The following MYO6 variants were observed in gnomAD, a reference collection of about 807,000 sequenced individuals.
MYO6 encodes the protein unconventional myosin-VI.
A neutral mutation model predicts 178.7 loss-of-function variants in MYO6; 74 were observed. That is an observed-to-expected ratio of 0.41 (90% CI 0.34 to 0.50). The LOEUF is 0.50. Among genes scored for constraint, MYO6 ranks in the 20% least tolerant of loss-of-function variants. The pLI is 0.09. For synonymous variants in MYO6, 477 were observed against 504.6 expected, an observed-to-expected ratio of 0.95 and a Z score of 0.73; for missense variants, 1,330 against 1,547.4, an observed-to-expected ratio of 0.86 and a Z score of 2.36.
intron 1 of MYO6, among the ~76,000 whole-genome samples, chr6:75,784,948 G>A (rs1269948787): frequency 6.6e-6 from 1 of 152,096 alleles, no homozygotes; most frequent in African/African-American, 2.4e-5. Context: ...AATAATGTAA[G>A]GAGTTACTTT....
At chr6:75,901,481 A>T (rs900895358) in intron 30 of MYO6, among the ~76,000 whole-genome samples, 12 of 152,012 alleles carry the variant, frequency 7.9e-5, no homozygotes, top group African/African-American at 2.7e-4. Context: ...ATTCTCTTTG[A>T]AGCAATTGTG....
chr6:75,828,997 A>G (rs1772782776), intron 4 of MYO6, among the ~76,000 whole-genome samples: 1 of 152,152 alleles, frequency 6.6e-6, no homozygotes, highest in Non-Finnish European at 1.5e-5. Context: ...ATTGTTTGGA[A>G]GACAATGTAA....
At chr6:75,779,579 G>A (rs974686838) in intron 1 of MYO6, among the ~76,000 whole-genome samples, 1 of 152,046 alleles carries the variant, frequency 6.6e-6, no homozygotes, top group African/African-American at 2.4e-5. Context: ...TTAATTGACT[G>A]AGTTGTCTTT....
intron 1 of MYO6, among the ~76,000 whole-genome samples, chr6:75,751,032 T>G (rs1243483933): frequency 6.6e-6 from 1 of 152,192 alleles, no homozygotes; most frequent in African/African-American, 2.4e-5. Context: ...TGTCTTGGGT[T>G]GTGGTTTTCA....
chr6:75,764,142 C>T (rs1016584607), intron 1 of MYO6, among the ~76,000 whole-genome samples: 14 of 152,146 alleles, frequency 9.2e-5, no homozygotes, highest in Admixed American at 7.9e-4. Flanking sequence ...AACTCCTGGG[C>T]TCAAGTGATC....
At chr6:75,875,215 G>A (rs1777480834) in intron 20 of MYO6, among the ~76,000 whole-genome samples, 1 of 152,188 alleles carries the variant, frequency 6.6e-6, no homozygotes, top group South Asian at 2.1e-4. Context: ...TGACTCCTAA[G>A]TACTTGAAAT....
chr6:75,783,403 C>G (rs933724522), intron 1 of MYO6, among the ~76,000 whole-genome samples: 3 of 152,122 alleles, frequency 2.0e-5, no homozygotes, highest in Non-Finnish European at 2.9e-5. Flanking sequence ...ATTAGGACGT[C>G]GAAGTAGACT....
At chr6:75,869,883 G>A (rs944532148) in intron 18 of MYO6, among the ~76,000 whole-genome samples, 2 of 152,098 alleles carry the variant, frequency 1.3e-5, no homozygotes, top group Non-Finnish European at 1.5e-5. Context: ...GGAGGCTGAG[G>A]CGTGTGGATC....
At chr6:75,778,255 A>G (rs540228834) in intron 1 of MYO6, among the ~76,000 whole-genome samples, 9 of 152,260 alleles carry the variant, frequency 5.9e-5, no homozygotes, top group African/African-American at 2.2e-4. Context: ...TTGTTTATAT[A>G]TATGTCTTGT....
At chr6:75,909,369 C>T (rs1010671956) in intron 32 of MYO6, among the ~76,000 whole-genome samples, 1 of 152,158 alleles carries the variant, frequency 6.6e-6, no homozygotes, top group Admixed American at 6.5e-5. Flanking sequence ...CACTCTAATT[C>T]CTTTGTTTCA....
intron 1 of MYO6, among the ~76,000 whole-genome samples, chr6:75,762,975 G>C (rs952631705): frequency 6.6e-6 from 1 of 151,254 alleles, no homozygotes; most frequent in Non-Finnish European, 1.5e-5. Flanking sequence ...TCCTGCCTTG[G>C]CCTCCCAAAA....
In MYO6 at chr6:75,857,144, C is replaced by G. The variant is rs1326180035; in HGVS notation, c.1271C>G (p.Ala424Gly). 1 of 1,613,938 alleles carries G rather than the reference C, an allele frequency of 6.2e-7. No individual in the cohort carries two copies. Among genetic ancestry groups the G allele is most frequent in the African/African-American group, 1.3e-5 (1 of 74,922 alleles). The change falls in exon 13 of 35, where the codon GCA (alanine) becomes GGA (glycine). Residue 424 changes from alanine to glycine, a missense_variant. This residue lies in a region of MYO6 where 613 missense variants were observed against 816.8 expected (regional missense o/e 0.75). Transcript: ENST00000369977. The part of the protein sequence containing the change: ...EQANNARDAL[A>G]KTVYSHLFDH... ...GCAAACAATGCTCGTGATGCCCTGG[C>G]AAAGACAGTGTATAGCCATCTTTTT...
At chr6:75,749,725 G>A (rs1776682859) in intron 1 of MYO6, among the ~76,000 whole-genome samples, 1 of 152,194 alleles carries the variant, frequency 6.6e-6, no homozygotes, top group East Asian at 1.9e-4. Context: ...GCCTAACTCG[G>A]ACTTGGACAC....
chr6:75,843,620 A>G (rs1774450616), intron 9 of MYO6, among the ~76,000 whole-genome samples: 1 of 152,192 alleles, frequency 6.6e-6, no homozygotes, highest in South Asian at 2.1e-4. Flanking sequence ...AGCAAAGAAC[A>G]TATTTATTTT....
intron 1 of MYO6, among the ~76,000 whole-genome samples, chr6:75,757,886 T>C (rs1010162839): frequency 6.6e-6 from 1 of 151,796 alleles, no homozygotes; most frequent in Non-Finnish European, 1.5e-5. Flanking sequence ...GTTACTGTGT[T>C]TTTTTTTGTC....
chr6:75,914,203 T>C lies in MYO6; in HGVS notation c.3580T>C (p.Tyr1194His). The C allele has an allele frequency of 6.2e-7, 1 of 1,614,176 alleles. No individual in the cohort carries two copies. Among genetic ancestry groups the C allele is most frequent in the Non-Finnish European group, 8.5e-7 (1 of 1,180,022 alleles). The change falls in exon 34 of 35, where the codon TAT (tyrosine) becomes CAT (histidine). Residue 1194 changes from tyrosine to histidine, a missense_variant. Around this residue, in one of 3 missense-constraint regions of MYO6, gnomAD observed 601 missense variants for 626.1 expected, o/e 0.96. Transcript: ENST00000369977. ...DPQSKKKGWW[Y>H]AHFDGPWIAR... is the part of the protein sequence containing the mutation. Reference sequence around the variant, plus strand: ...TCAGAGTAAGAAAAAAGGCTGGTGGTATGCCCATTTTGATGGACCATGGAT... The same window carrying C: ...TCAGAGTAAGAAAAAAGGCTGGTGGCATGCCCATTTTGATGGACCATGGAT...
At chr6:75,821,370 C>G (rs6933837) in intron 2 of MYO6, among the ~76,000 whole-genome samples, 2,428 of 152,238 alleles carry the variant, frequency 0.016, 63 homozygotes, top group African/African-American at 0.056. Context: ...ATGCATTTTC[C>G]TATAGAATCA....
At chr6:75,803,283 T>A (rs138022746) in intron 1 of MYO6, among the ~76,000 whole-genome samples, 225 of 152,304 alleles carry the variant, frequency 1.5e-3, no homozygotes, top group African/African-American at 2.3e-3. Context: ...CTTTTTTTTT[T>A]ATCCCCTTTT....
In MYO6 at chr6:75,757,256, T is replaced by G. The variant is rs555019008; in HGVS notation, c.-48+7833T>G. 8.8e-5 allele frequency among the ~76,000 whole-genome samples: 13 copies of G among 148,404 alleles called. No homozygotes were observed. In the South Asian group the frequency reaches 1.7e-3, roughly 19 times the overall value. ...ATATAGACATACATACATATGTGTG[T>G]GTATATATGTATATAGACATATACA... On this transcript the variant is annotated intron_variant, in intron 1 of 34. Coordinates refer to ENST00000369977, the MANE Select transcript of MYO6 (RefSeq NM_004999.4).
Sources: gnomAD v4.1 joint callset for allele counts (sites outside exome capture counted in the v4.1 genomes callset) on GRCh38, gnomAD v4.1.1 for gene constraint, gnomAD v4.1.1 regional missense constraint, MANE v1.5 for transcripts, NCBI Gene and HGNC (gene_info 2026-07-23, HGNC 2026-07-21) for gene names.